The following ME2 variants were observed in gnomAD, a reference collection of about 807,000 sequenced individuals.
ME2 encodes the protein malic enzyme 2.
Under a neutral mutation model 73.7 loss-of-function variants are expected in ME2, and 60 were observed. That is an observed-to-expected ratio of 0.81 (90% confidence interval 0.66 to 1.01). The LOEUF (loss-of-function observed/expected upper bound fraction) is 1.01, where lower values mean the gene tolerates loss of function less well. ME2 is among the 50% of genes least tolerant of loss of function. The probability of loss-of-function intolerance (pLI) is 0.00; values close to 1 mark genes in which losing one functional copy is unlikely to be tolerated. For missense variants in ME2, 594 were observed against 705.5 expected, an observed-to-expected ratio of 0.84 and a Z score of 1.79; for synonymous variants, 199 against 236.9, an observed-to-expected ratio of 0.84 and a Z score of 1.47.
At chr18:50,885,483 A>T (rs1916439787) in intron 1 of ME2, among the ~76,000 whole-genome samples, 1 of 152,106 alleles carries the variant, frequency 6.6e-6, no homozygotes, top group Admixed American at 6.6e-5. Flanking sequence ...ATACAACTGT[A>T]TTCCAGCCTG....
At chr18:50,908,336 T>C in intron 3 of ME2, 140 bp downstream of exon 3, 1 of 572,438 alleles carries the variant, frequency 1.7e-6, no homozygotes, top group South Asian at 3.7e-5. Context: ...ATAAAGATTG[T>C]GTTTCTTTCA....
chr18:50,941,274 A>C (rs1917948369), intron 15 of ME2, among the ~76,000 whole-genome samples: 1 of 150,404 alleles, frequency 6.6e-6, no homozygotes, highest in Non-Finnish European at 1.5e-5. Context: ...AAAAAAAAAA[A>C]AAAAAAGAAA....
chr18:50,893,124 C>CAAAAAAAA lies in ME2; in HGVS notation c.-12-2664_-12-2657dup, dbSNP rs56104427. ...TGGGCAACTGGGTAAGACTCTATCT[C>CAAAAAAAA]AAAAAAAAAAAAAAAAAAAAAAAAA... On this transcript the variant is annotated intron_variant, in intron 1 of 15. Transcript: ENST00000321341. Among the ~76,000 whole-genome samples the CAAAAAAAA allele has an allele frequency of 3.7e-4, 29 of 78,094 alleles. 1 individual carries two copies. Among genetic ancestry groups the CAAAAAAAA allele is most frequent in the African/African-American group, 1.6e-3 (27 of 16,912 alleles). The allele number at this position is 78,094 out of a possible 152,430, so 51.2% of individuals were successfully genotyped here.
At position 50,908,141 on chromosome 18, in the gene ME2, A is replaced by G; in HGVS notation, c.187A>G (p.Ile63Val). The change falls in exon 3 of 16, where the codon ATT (isoleucine) becomes GTT (valine). Residue 63 changes from isoleucine (I) to valine (V), a missense_variant. By Grantham distance (29) the Ile-to-Val change is conservative. Coordinates refer to ENST00000321341, the MANE Select transcript of ME2 (RefSeq NM_002396.5). ...LLPPKIETQD[I>V]QALRFHRNLK... ...ACCTCCCAAAATAGAGACACAAGATATTCAAGCCTTACGATTTCATAGAAA... is the reference window on the plus strand; with the variant it reads ...ACCTCCCAAAATAGAGACACAAGATGTTCAAGCCTTACGATTTCATAGAAA... 1 of 1,607,734 alleles carries G rather than the reference A, an allele frequency of 6.2e-7. No homozygotes were observed. The highest frequency in any genetic ancestry group is 8.5e-7 in the Non-Finnish European group (1 of 1,177,106).
intron 1 of ME2, among the ~76,000 whole-genome samples, chr18:50,882,353 G>T (rs965652223): frequency 6.6e-6 from 1 of 152,100 alleles, no homozygotes; most frequent in Non-Finnish European, 1.5e-5. Context: ...AGACTATTTC[G>T]TATGGGTTTT....
chr18:50,933,649 CA>C lies in ME2; in HGVS notation c.1417+1292del, dbSNP rs767472012. On this transcript the variant is annotated intron_variant, in intron 13 of 15. Coordinates refer to ENST00000321341, the MANE Select transcript of ME2 (RefSeq NM_002396.5). ...GGAAATACTTTTCTGCTGATTTTAACAAAGCTATTTTTTTAAACTTTTTTTT... is the reference window on the plus strand; with the variant it reads ...GGAAATACTTTTCTGCTGATTTTAACAAGCTATTTTTTTAAACTTTTTTTT... The C allele has an allele frequency of 7.4e-4, 113 of 152,074 alleles. 2 individuals are homozygous for C. The highest frequency in any genetic ancestry group is 2.7e-3 in the African/African-American group (110 of 41,470). The allele number at this position is 152,074 out of a possible 1,614,324, so 9.4% of individuals were successfully genotyped here.
chr18:50,908,023 G>C (rs1321491224), intron 2 of ME2, 40 bp from the exon 3 acceptor site: 1 of 1,373,710 alleles, frequency 7.3e-7, no homozygotes. Flanking sequence ...TGCTACCCCA[G>C]TAAGTAATAA....
At chr18:50,930,382 CATTT>C (rs1254234454) in intron 12 of ME2, among the ~76,000 whole-genome samples, 75 of 152,230 alleles carry the variant, frequency 4.9e-4, no homozygotes, top group African/African-American at 1.8e-3. Context: ...TTTTTAGTCC[CATTT>C]TGTTTTCACC....
intron 4 of ME2, 61 bp downstream of exon 4, chr18:50,913,011 T>G: frequency 7.3e-7 from 1 of 1,369,692 alleles, no homozygotes; most frequent in East Asian, 2.5e-5. Flanking sequence ...TATCATTCCA[T>G]AACACCCATT....
At chr18:50,896,076 C>T (rs1367015644) in intron 2 of ME2, 148 bp downstream of exon 2, 1 of 591,664 alleles carries the variant, frequency 1.7e-6, no homozygotes, top group Non-Finnish European at 2.9e-6. Flanking sequence ...CGCTTCTCCA[C>T]ATGGCAAAAT....
At position 50,918,190 on chromosome 18, in the gene ME2, G is replaced by T; in HGVS notation, c.711G>T (p.Glu237Asp). The change falls in exon 7 of 16, where the codon GAG becomes GAT. Residue 237 changes from glutamate to aspartate, a missense_variant. Glu to Asp is a conservative substitution (Grantham distance 45, BLOSUM62 2). Coordinates refer to ENST00000321341, the MANE Select transcript of ME2 (RefSeq NM_002396.5). ...AACAGTATGATGACCTGATTGATGA[G>T]TTTATGAAAGCTATTACTGACAGGT... ...RTQQYDDLIDEFMKAITDRYG... is the reference protein window; with the variant it reads ...RTQQYDDLIDDFMKAITDRYG... 6.2e-7 allele frequency: 1 copy of T among 1,609,222 alleles called. No individual in the cohort carries two copies. The highest frequency in any genetic ancestry group is 8.5e-7 in the Non-Finnish European group (1 of 1,176,578).
At chr18:50,923,730 A>G (rs1037848230) in intron 10 of ME2, among the ~76,000 whole-genome samples, 3 of 152,164 alleles carry the variant, frequency 2.0e-5, no homozygotes, top group African/African-American at 7.2e-5. Context: ...GTGATACCCC[A>G]TTTCAAAATA....
chr18:50,936,125 A>T (rs1917815220), intron 13 of ME2, among the ~76,000 whole-genome samples: 2 of 152,218 alleles, frequency 1.3e-5, no homozygotes, highest in South Asian at 4.1e-4. Flanking sequence ...GAAAGCAGTC[A>T]GAACAAAAAG....
At chr18:50,939,171 A>G (rs1917887012) in intron 13 of ME2, 1 of 153,884 alleles carries the variant, frequency 6.5e-6, no homozygotes, top group South Asian at 2.1e-4. Context: ...AGAGAAAAAA[A>G]AATCACAAGA....
intron 1 of ME2, among the ~76,000 whole-genome samples, chr18:50,885,327 C>T (rs953221177): frequency 1.1e-4 from 16 of 152,116 alleles, no homozygotes; most frequent in African/African-American, 3.9e-4. Context: ...TCAAGACCAG[C>T]CTGGGCAACA....
chr18:50,953,633 TA>T lies in ME2; in HGVS notation c.*6452del, dbSNP rs1194934275. The T allele has an allele frequency of 6.6e-6, 1 of 152,242 alleles. No homozygotes were observed. The highest frequency in any genetic ancestry group is 6.5e-5 in the Admixed American group (1 of 15,282). 9.4% of individuals were successfully genotyped at this position (152,242 alleles called of 1,614,324 possible). A position where few individuals can be genotyped will look rare whatever the true frequency, so the allele number is the denominator to read the frequency against. On this transcript the variant is annotated 3_prime_UTR_variant, in exon 16 of 16. Transcript: ENST00000321341. ...ACAACTGTTAACACTTCTGTGCAAA[TA>T]AATTTCAGTTGTGCTTATATATTAT...
At chr18:50,911,989 G>A (rs1020353380) in intron 3 of ME2, among the ~76,000 whole-genome samples, 1 of 152,104 alleles carries the variant, frequency 6.6e-6, no homozygotes, top group Non-Finnish European at 1.5e-5. Flanking sequence ...GGTGGAGGGA[G>A]CTAATGGATA....
chr18:50,911,545 G>T (rs1168748956), intron 3 of ME2, among the ~76,000 whole-genome samples: 1 of 152,146 alleles, frequency 6.6e-6, no homozygotes, highest in South Asian at 2.1e-4. Context: ...CTGAAAACAG[G>T]AAAGTCTAAA....
chr18:50,916,147 G>A, intron 4 of ME2, 21 bp from the exon 5 acceptor site: 1 of 1,548,042 alleles, frequency 6.5e-7, no homozygotes, highest in Non-Finnish European at 8.8e-7. Flanking sequence ...GAAATGCAAA[G>A]GTGTTTTTGT....
Sources: gnomAD v4.1 joint callset for allele counts (sites outside exome capture counted in the v4.1 genomes callset) on GRCh38, gnomAD v4.1.1 for gene constraint, MANE v1.5 for transcripts, NCBI Gene and HGNC (gene_info 2026-07-23, HGNC 2026-07-21) for gene names.